Variants in RBFOX1 observed in about 807,000 individuals in gnomAD.
RBFOX1 encodes RNA binding protein fox-1 homolog 1.
RBFOX1 carries 8 observed loss-of-function variants against 57.7 expected under a neutral mutation model. The observed-to-expected ratio is 0.14, with a 90% CI of 0.08 to 0.25. The LOEUF (loss-of-function observed/expected upper bound fraction) is 0.25, where lower values mean the gene tolerates loss of function less well. Among genes scored for constraint, RBFOX1 ranks in the 10% least tolerant of loss-of-function variants. The pLI is 1.00. For missense variants in RBFOX1, 611 were observed against 548.5 expected, an observed-to-expected ratio of 1.11 and a Z score of -1.14; for synonymous variants, 326 against 222.4, an observed-to-expected ratio of 1.47 and a Z score of -4.15.
chr16:6,849,350 AAT>A (rs1233210263), intron 3 of RBFOX1, among the ~76,000 whole-genome samples: 5 of 152,312 alleles, frequency 3.3e-5, no homozygotes, highest in Admixed American at 3.3e-4. Flanking sequence ...AAGTAGAAAA[AAT>A]ATAGTCTTAT....
rs892458001 is a variant in RBFOX1, at chr16:6,869,103, T to C, written c.-15-182954T>C. ...GCCACTAACTTCAGGGGCTGTTTAT[T>C]ACAGCAGCATTGTGTTGCCCATACT... On this transcript the variant is annotated intron_variant, in intron 3 of 15. Coordinates refer to ENST00000550418, the MANE Select transcript of RBFOX1 (RefSeq NM_018723.4). 2.0e-5 allele frequency among the ~76,000 whole-genome samples: 3 copies of C among 152,198 alleles called. No individual in the cohort carries two copies. The East Asian group carries it at 5.8e-4, about 29-fold the overall frequency.
chr16:6,873,727 C>A (rs185129027), intron 3 of RBFOX1, among the ~76,000 whole-genome samples: 2 of 152,084 alleles, frequency 1.3e-5, no homozygotes. Flanking sequence ...CTCTCATTGT[C>A]GTCATCACCA....
chr16:6,485,351 CCTCTT>C (rs1000328259), intron 2 of RBFOX1, among the ~76,000 whole-genome samples: 7 of 151,472 alleles, frequency 4.6e-5, no homozygotes, highest in Non-Finnish European at 2.9e-5. Flanking sequence ...CTCTCTTACC[CCTCTT>C]CTCTTCTCTC....
Position 6,541,318 on chromosome 16 carries a change from A to T in RBFOX1, c.-63-113285A>T, listed in dbSNP as rs573207519. On this transcript the variant is annotated intron_variant, in intron 2 of 15. Coordinates refer to ENST00000550418, the MANE Select transcript of RBFOX1 (RefSeq NM_018723.4). Reference sequence around the variant, plus strand: ...AATGGTAGAAATAGGTGACTCTGGCATTCATTCATTCATGTAACAAGTATT... The same window carrying T: ...AATGGTAGAAATAGGTGACTCTGGCTTTCATTCATTCATGTAACAAGTATT... Among the ~76,000 whole-genome samples the T allele has an allele frequency of 5.9e-5, 9 of 152,322 alleles. No homozygotes were observed. In the South Asian group the frequency reaches 1.9e-3, roughly 32 times the overall value.
At chr16:6,949,162 C>G (rs926137780) in intron 3 of RBFOX1, among the ~76,000 whole-genome samples, 4 of 151,982 alleles carry the variant, frequency 2.6e-5, no homozygotes, top group Admixed American at 2.6e-4. Context: ...TTCCCCCACC[C>G]CCCTGAAAAG....
rs147562424 is a variant in RBFOX1 at position 7,058,423 on chromosome 16, G to C, written c.27+6325G>C. Among the ~76,000 whole-genome samples the C allele has an allele frequency of 4.6e-5, 7 of 152,262 alleles. No individual in the cohort carries two copies. In the East Asian group the frequency reaches 1.2e-3, roughly 25 times the overall value. ...CATTGTTTGCAAAATACACTATTAA[G>C]AATCAGGGGCCTGGAGCTACGCCTA... On this transcript the variant is annotated intron_variant, in intron 4 of 15. Transcript: ENST00000550418.
chr16:5,699,033 G>T (rs2050940833), intron 3 of RBFOX1, among the ~76,000 whole-genome samples: 1 of 148,802 alleles, frequency 6.7e-6, no homozygotes, highest in South Asian at 2.1e-4. Context: ...TGTTGCCCGG[G>T]CTGGAATGCG....
At chr16:6,800,124 G>A (rs933400771) in intron 3 of RBFOX1, among the ~76,000 whole-genome samples, 2 of 152,142 alleles carry the variant, frequency 1.3e-5, no homozygotes, top group East Asian at 1.9e-4. Context: ...ATGTATTATC[G>A]TTCCTAGTCC....
chr16:6,578,189 C>T (rs1382248287), intron 2 of RBFOX1, among the ~76,000 whole-genome samples: 3 of 152,218 alleles, frequency 2.0e-5, no homozygotes, highest in Admixed American at 1.3e-4. Context: ...CTTTACATAT[C>T]ATTACCTCAT....
chr16:6,910,511 A>C (rs1024856702), intron 3 of RBFOX1, among the ~76,000 whole-genome samples: 2 of 152,194 alleles, frequency 1.3e-5, no homozygotes, highest in African/African-American at 4.8e-5. Flanking sequence ...CAAACAACCT[A>C]CATGCTTTTC....
At chr16:7,597,687 A>G (rs766419988) in intron 9 of RBFOX1, among the ~76,000 whole-genome samples, 11 of 152,154 alleles carry the variant, frequency 7.2e-5, no homozygotes, top group Non-Finnish European at 1.6e-4. Context: ...GAGATGCACT[A>G]ATTATTTGGA....
chr16:6,540,765 C>T (rs764743543), intron 2 of RBFOX1, among the ~76,000 whole-genome samples: 3 of 152,080 alleles, frequency 2.0e-5, no homozygotes, highest in African/African-American at 7.2e-5. Context: ...TAATTATTCA[C>T]TTAAAGTAAC....
intron 4 of RBFOX1, among the ~76,000 whole-genome samples, chr16:5,932,060 T>C (rs531726557): frequency 6.6e-6 from 1 of 152,190 alleles, no homozygotes; most frequent in South Asian, 2.1e-4. Context: ...CGCCTTGGCT[T>C]CCCAAAGTGT....
chr16:7,337,359 G>T (rs1057509643), intron 4 of RBFOX1, among the ~76,000 whole-genome samples: 6 of 152,154 alleles, frequency 3.9e-5, no homozygotes, highest in African/African-American at 1.4e-4. Context: ...TTTGAGTTGG[G>T]CTGTGAAGCA....
chr16:6,927,620 G>T (rs918143938), intron 3 of RBFOX1, among the ~76,000 whole-genome samples: 1 of 152,006 alleles, frequency 6.6e-6, no homozygotes, highest in African/African-American at 2.4e-5. Context: ...TTTAGCAGGG[G>T]CTTAATAGAC....
chr16:6,396,286 T>G (rs1296707090), intron 2 of RBFOX1, among the ~76,000 whole-genome samples: 1 of 152,022 alleles, frequency 6.6e-6, no homozygotes, highest in African/African-American at 2.4e-5. Flanking sequence ...CTTGATAAAA[T>G]GAGATGCATT....
intron 1 of RBFOX1, among the ~76,000 whole-genome samples, chr16:6,262,625 C>T (rs1487310708): frequency 6.6e-6 from 1 of 152,142 alleles, no homozygotes; most frequent in Non-Finnish European, 1.5e-5. Flanking sequence ...TTCCCACTTT[C>T]ATTCGGCCTG....
chr16:6,451,579 T>A (rs1290080985), intron 2 of RBFOX1, among the ~76,000 whole-genome samples: 1 of 152,134 alleles, frequency 6.6e-6, no homozygotes, highest in Non-Finnish European at 1.5e-5. Context: ...ATTACCACCT[T>A]CACCTGGAAA....
At chr16:5,779,256 C>T (rs1312826601) in intron 3 of RBFOX1, among the ~76,000 whole-genome samples, 1 of 152,180 alleles carries the variant, frequency 6.6e-6, no homozygotes, top group East Asian at 1.9e-4. Flanking sequence ...GTCTCTGTCC[C>T]TCTAAACAGC....
Sources: gnomAD v4.1 joint callset for allele counts (sites outside exome capture counted in the v4.1 genomes callset) on GRCh38, gnomAD v4.1.1 for gene constraint, MANE v1.5 for transcripts, NCBI Gene and HGNC (gene_info 2026-07-23, HGNC 2026-07-21) for gene names.